BRD1: variants seen among roughly 807,000 people sequenced by gnomAD.
BRD1 encodes bromodomain-containing protein 1.
A neutral mutation model predicts 107.7 loss-of-function variants in BRD1; 24 were observed. That is an observed-to-expected ratio of 0.22 (90% CI 0.16 to 0.31). BRD1 has a LOEUF of 0.31. BRD1 is among the 10% of genes least tolerant of loss of function. The pLI is 1.00. For synonymous variants in BRD1, 744 were observed against 686.1 expected, an observed-to-expected ratio of 1.08 and a Z score of -1.32; for missense variants, 1,279 against 1,638.6, an observed-to-expected ratio of 0.78 and a Z score of 3.79.
intron 7 of BRD1, among the ~76,000 whole-genome samples, chr22:49,788,626 C>T (rs763351403): frequency 1.3e-5 from 2 of 152,164 alleles, no homozygotes; most frequent in African/African-American, 4.8e-5. Context: ...GTCAGGAGGA[C>T]GGCCTGGGGC....
chr22:49,799,035 G>A lies in BRD1; in HGVS notation c.1609C>T (p.Leu537=), dbSNP rs776074037. Residue 537 remains leucine, a synonymous_variant, in exon 4 of 13, where the codon CTG becomes TTG. Transcript: ENST00000404760. ...RLRHDLERAR[L]LIELLRKREK... ...CGCTTGCGCAGCAGCTCGATCAGCA[G>A]GCGAGCGCGCTCCAGGTCGTGCCGC... The A allele has an allele frequency of 7.4e-6, 12 of 1,611,336 alleles. No individual in the cohort carries two copies. The highest frequency in any genetic ancestry group is 1.7e-5 in the Admixed American group (1 of 60,008).
rs143082297 is a variant in BRD1, at chr22:49,820,236, T to C, written c.1367+2715A>G. On this transcript the variant is annotated intron_variant, in intron 2 of 12. Coordinates refer to ENST00000404760, the MANE Select transcript of BRD1 (RefSeq NM_001304808.3). ...CCGTCCCTGAAGGCAGATTCTGTTC[T>C]GTCCACAGGGAATAAGGAAGATCCT... Among the ~76,000 whole-genome samples, 351 of 152,380 alleles carry C rather than the reference T, an allele frequency of 2.3e-3. 2 individuals are homozygous for C. The highest frequency in any genetic ancestry group is 0.01 in the Middle Eastern group (3 of 294).
intron 3 of BRD1, 92 bp downstream of exon 3, chr22:49,804,112 G>T: frequency 8.6e-7 from 1 of 1,165,520 alleles, no homozygotes; most frequent in Non-Finnish European, 1.2e-6. Flanking sequence ...AGCCCAGGGG[G>T]CAGCACCGTG....
chr22:49,799,344 C>A (rs2059597551), intron 3 of BRD1, among the ~76,000 whole-genome samples: 2 of 152,146 alleles, frequency 1.3e-5, no homozygotes, highest in Non-Finnish European at 2.9e-5. Context: ...GACCGCCAGG[C>A]CAAGGTGAGC....
intron 2 of BRD1, among the ~76,000 whole-genome samples, chr22:49,819,597 C>T (rs1173765144): frequency 3.3e-5 from 5 of 151,848 alleles, no homozygotes; most frequent in Non-Finnish European, 5.9e-5. Context: ...ATTACAGGCG[C>T]GCACCACCAC....
In BRD1 at chr22:49,783,623, T is replaced by C. The variant is rs1483151082; in HGVS notation, c.2857+3767A>G. Among the ~76,000 whole-genome samples the C allele has an allele frequency of 6.6e-6, 1 of 152,120 alleles. No homozygotes were observed. Among genetic ancestry groups the C allele is most frequent in the Non-Finnish European group, 1.5e-5 (1 of 68,036 alleles). ...CAGGCTCCCAGTCGGTGCCGGGCTC[T>C]CCTCTGCGTCCTTCGTGACTGTCCA... On this transcript the variant is annotated intron_variant, in intron 8 of 12. Coordinates refer to ENST00000404760, the MANE Select transcript of BRD1 (RefSeq NM_001304808.3). This position sits in a 1 kb window ranked among gnomAD's most constrained non-coding sequence, Gnocchi z 4.2.
intron 4 of BRD1, 65 bp from the exon 5 acceptor site, chr22:49,798,751 C>A: frequency 6.7e-7 from 1 of 1,482,062 alleles, no homozygotes; most frequent in Non-Finnish European, 8.9e-7. Flanking sequence ...CCACCACGCG[C>A]CCCACAGCCA....
At chr22:49,795,407 AG>A (rs1408024377) in intron 6 of BRD1, among the ~76,000 whole-genome samples, 1 of 152,162 alleles carries the variant, frequency 6.6e-6, no homozygotes, top group Non-Finnish European at 1.5e-5. Context: ...GAAAGAAACC[AG>A]GACTTCTCAT....
At chr22:49,801,646 A>C (rs76965913) in intron 3 of BRD1, among the ~76,000 whole-genome samples, 8,533 of 152,298 alleles carry the variant, frequency 0.056, 796 homozygotes, top group African/African-American at 0.19. Flanking sequence ...GGTGACTTCG[A>C]GAAGCTGCCC....
In BRD1 at chr22:49,809,302, G is replaced by A. The variant is rs147100959; in HGVS notation, c.1368-4942C>T. On this transcript the variant is annotated intron_variant, in intron 2 of 12. Transcript: ENST00000404760. The stretch of plus-strand genomic sequence containing the variant: ...CACGCCTGTAATCCCAGCACTTTGG[G>A]AGGCCGAAGCAGGTGGATCATGAGG... 4.6e-3 allele frequency among the ~76,000 whole-genome samples: 696 copies of A among 152,096 alleles called. 44 individuals carry two copies. The East Asian group carries it at 0.12, about 26-fold the overall frequency.
At chr22:49,786,295 C>T (rs1038957562) in intron 8 of BRD1, among the ~76,000 whole-genome samples, 1 of 152,208 alleles carries the variant, frequency 6.6e-6, no homozygotes, top group African/African-American at 2.4e-5. Context: ...CAGCCAGTAC[C>T]GAAGAAGCAA....
rs528730123 is a variant in BRD1, at chr22:49,816,326, G to A, written c.1367+6625C>T. On this transcript the variant is annotated intron_variant, in intron 2 of 12. Coordinates refer to ENST00000404760, the MANE Select transcript of BRD1 (RefSeq NM_001304808.3). ...CCACTTCACTCCTGCCTGGGCAACA[G>A]AGCAAGACCCCGCCTCAATTAAAAG... Among the ~76,000 whole-genome samples the A allele has an allele frequency of 4.6e-5, 7 of 152,200 alleles. No individual in the cohort carries two copies. In the South Asian group the frequency reaches 1.5e-3, roughly 32 times the overall value.
chr22:49,775,861 AC>A, intron 11 of BRD1, 116 bp from the exon 12 acceptor site: 1 of 864,872 alleles, frequency 1.2e-6, no homozygotes, highest in Non-Finnish European at 1.4e-6. Flanking sequence ...TCCTCAGACC[AC>A]CCCCACGCCC....
In BRD1 at chr22:49,820,067, T is replaced by C. The variant is rs576784528; in HGVS notation, c.1367+2884A>G. Among the ~76,000 whole-genome samples the C allele has an allele frequency of 4.0e-5, 6 of 151,644 alleles. No homozygotes were observed. In the South Asian group the frequency reaches 6.3e-4, roughly 16 times the overall value. On this transcript the variant is annotated intron_variant, in intron 2 of 12. Transcript: ENST00000404760. ...ATCACTTGAACCCAGGAGGTGGAGG[T>C]TGCAGTGAGCCAAGATCACCGCACT...
rs2060127371 is a variant in BRD1 at position 49,824,676 on chromosome 22, A to G, written c.-14-345T>C. On this transcript the variant is annotated intron_variant, in intron 1 of 12. Transcript: ENST00000404760. The surrounding 1 kb of genome is among the most constrained non-coding windows in gnomAD (Gnocchi z 5.9). ...GGAGGAGGGGTCCGGCCCAGAGCCC[A>G]CAGTTGCAGGACTTTCCCAGCATGC... 2 of 1,108,848 alleles carry G rather than the reference A, an allele frequency of 1.8e-6. No individual in the cohort carries two copies. Among genetic ancestry groups the G allele is most frequent in the African/African-American group, 1.6e-5 (1 of 62,394 alleles). 68.7% of individuals were successfully genotyped at this position (1,108,848 alleles called of 1,614,324 possible). A position where few individuals can be genotyped will look rare whatever the true frequency, so the allele number is the denominator to read the frequency against.
At position 49,824,135 on chromosome 22, in the gene BRD1, C is replaced by T; in HGVS notation, c.183G>A (p.Leu61=). The change falls in exon 2 of 13, where the codon TTG becomes TTA. Residue 61 remains leucine (L), a synonymous_variant. Coordinates refer to ENST00000404760, the MANE Select transcript of BRD1 (RefSeq NM_001304808.3). The surrounding 1 kb of genome is among the most constrained non-coding windows in gnomAD (Gnocchi z 5.9). ...ISIFDPLEII[L]EDDLTAQEMS... ...TCTCTTGAGCAGTGAGGTCATCTTC[C>T]AATATGATCTCCAGGGGATCAAAAA... 1 of 1,614,012 alleles carries T rather than the reference C, an allele frequency of 6.2e-7. No individual in the cohort carries two copies. Among genetic ancestry groups the T allele is most frequent in the Non-Finnish European group, 8.5e-7 (1 of 1,180,038 alleles).
chr22:49,777,097 G>A lies in BRD1; in HGVS notation c.3058C>T (p.Arg1020Cys), dbSNP rs779291883. 1.3e-5 allele frequency: 21 copies of A among 1,613,248 alleles called. No homozygotes were observed. The highest frequency in any genetic ancestry group is 2.2e-5 in the East Asian group (1 of 44,900). ...TCGATGCAGGAGATCAGCTCACTGC[G>A]GTCCTCCAGCGTGTGCCGTCGCACA... Reference protein sequence around the residue: ...ALVRRHTLEDRSELISCIENG... With the variant: ...ALVRRHTLEDCSELISCIENG... Residue 1020 changes from arginine to cysteine, a missense_variant, in exon 10 of 13, where the codon CGC (arginine) becomes TGC (cysteine). Physicochemically the swap from Arg to Cys is radical, Grantham distance 180 (BLOSUM62 -3). Transcript: ENST00000404760.
intron 9 of BRD1, 75 bp downstream of exon 9, chr22:49,777,603 G>C: frequency 6.5e-7 from 1 of 1,547,918 alleles, no homozygotes. Context: ...GGAATGTCCC[G>C]GCTTCCAGGA....
At chr22:49,775,953 T>C (rs2059088124) in intron 11 of BRD1, 97 bp downstream of exon 11, 2 of 843,328 alleles carry the variant, frequency 2.4e-6, no homozygotes, top group African/African-American at 5.1e-5. Context: ...CTGTGGAACC[T>C]CCTTGGACCA....
Sources: allele counts gnomAD v4.1 joint callset (sites outside exome capture counted in the v4.1 genomes callset), GRCh38; gene constraint gnomAD v4.1.1; non-coding constraint Gnocchi (gnomAD v3.1); transcripts MANE v1.5; gene names NCBI Gene and HGNC (gene_info 2026-07-23, HGNC 2026-07-21).